KCNQ1: variants seen among roughly 807,000 people sequenced by gnomAD.
KCNQ1 encodes potassium voltage-gated channel subfamily KQT member 1.
Under a neutral mutation model 72.4 loss-of-function variants are expected in KCNQ1, and 49 were observed. The ratio of observed to expected loss-of-function variants is 0.68; its 90% confidence interval spans 0.54 to 0.86. KCNQ1 has a LOEUF of 0.86. Among genes scored for constraint, KCNQ1 ranks in the 40% least tolerant of loss-of-function variants. The pLI is 0.00. For synonymous variants in KCNQ1, 450 were observed against 412.6 expected (o/e 1.09, Z -1.10); for missense variants, 790 against 945.1 (o/e 0.84, Z 2.15).
intron 10 of KCNQ1, chr11:2,634,328 C>G (rs1433232008): frequency 3.9e-6 from 1 of 255,122 alleles, no homozygotes; most frequent in Non-Finnish European, 7.2e-6. Flanking sequence ...CCTCCCCCCT[C>G]CCCCCCCACC....
chr11:2,512,499 C>A (rs1206844436), intron 1 of KCNQ1, among the ~76,000 whole-genome samples: 1 of 152,244 alleles, frequency 6.6e-6, no homozygotes, highest in Non-Finnish European at 1.5e-5. Flanking sequence ...GACAACCCCT[C>A]CCAGTCTTCC....
chr11:2,681,744 C>G, intron 11 of KCNQ1: 1 of 398,348 alleles, frequency 2.5e-6, no homozygotes, highest in Non-Finnish European at 4.4e-6. Flanking sequence ...ACTGATCACA[C>G]ACCAGGGCAC....
intron 1 of KCNQ1, among the ~76,000 whole-genome samples, chr11:2,522,537 C>T (rs958360922): frequency 7.9e-5 from 12 of 152,242 alleles, no homozygotes; most frequent in Non-Finnish European, 1.3e-4. Context: ...AGGTTCCCAG[C>T]TCCGCCCGAG....
rs773743391 is a variant in KCNQ1, at chr11:2,848,243, C to A, written c.*240C>A. The A allele has an allele frequency of 1.5e-6, 1 of 646,648 alleles. No individual in the cohort carries two copies. Among genetic ancestry groups the A allele is most frequent in the South Asian group, 1.7e-5 (1 of 59,720 alleles). The allele number at this position is 646,648 out of a possible 1,614,324, so 40.1% of individuals were successfully genotyped here. A position where few individuals can be genotyped will look rare whatever the true frequency, so the allele number is the denominator to read the frequency against. On this transcript the variant is annotated 3_prime_UTR_variant, in exon 16 of 16. Coordinates refer to ENST00000155840, the MANE Select transcript of KCNQ1 (RefSeq NM_000218.3). Reference sequence around the variant, plus strand: ...CTCAGGTCTGAGTTGTTACCCCAAGCGCCCTGGCCCCCACATGGTGATGTT... The same window carrying A: ...CTCAGGTCTGAGTTGTTACCCCAAGAGCCCTGGCCCCCACATGGTGATGTT...
In KCNQ1 at chr11:2,651,184, G is replaced by A. The variant is rs1210856572; in HGVS notation, c.1394-10777G>A. On this transcript the variant is annotated intron_variant, in intron 10 of 15. Transcript: ENST00000155840. This position sits in a 1 kb window ranked among gnomAD's most constrained non-coding sequence, Gnocchi z 6.1. Reference sequence around the variant, plus strand: ...GATCTTGCTGCTTCCCTACTCAAATGTTCCGACAGCTTCCTGTCACCCTGT... The same window carrying A: ...GATCTTGCTGCTTCCCTACTCAAATATTCCGACAGCTTCCTGTCACCCTGT... The A allele has an allele frequency of 2.0e-5, 8 of 397,640 alleles. No homozygotes were observed. The highest frequency in any genetic ancestry group is 1.2e-3 in the Middle Eastern group (2 of 1,606). 24.6% of individuals were successfully genotyped at this position (397,640 alleles called of 1,614,324 possible). A position where few individuals can be genotyped will look rare whatever the true frequency, so the allele number is the denominator to read the frequency against.
intron 2 of KCNQ1, among the ~76,000 whole-genome samples, chr11:2,548,617 GAA>G (rs1847933408): frequency 6.6e-6 from 1 of 152,232 alleles, no homozygotes; most frequent in African/African-American, 2.4e-5. Flanking sequence ...AGCCCTTAGT[GAA>G]AAGTTTCTTA....
At chr11:2,801,120 T>C (rs1338670656) in intron 15 of KCNQ1, among the ~76,000 whole-genome samples, 1 of 151,940 alleles carries the variant, frequency 6.6e-6, no homozygotes, top group Non-Finnish European at 1.5e-5. Context: ...CTAGAGATGG[T>C]GGAAGGGTAG....
At chr11:2,756,453 A>AAAAC (rs1846299841) in intron 11 of KCNQ1, among the ~76,000 whole-genome samples, 1 of 151,988 alleles carries the variant, frequency 6.6e-6, no homozygotes, top group Non-Finnish European at 1.5e-5. Flanking sequence ...AAAAAAAAAA[A>AAAAC]AAAAACATGA....
At chr11:2,625,785 G>A (rs1258262054) in intron 10 of KCNQ1, 2 of 397,876 alleles carry the variant, frequency 5.0e-6, no homozygotes, top group Non-Finnish European at 8.8e-6. Context: ...TAGCCAGGAT[G>A]GTCTCAATCT....
At chr11:2,763,402 GA>G (rs60011808) in intron 11 of KCNQ1, among the ~76,000 whole-genome samples, 5,906 of 141,234 alleles carry the variant, frequency 0.042, 266 homozygotes, top group East Asian at 0.14. Flanking sequence ...CATCTTAGAA[GA>G]AAAAAAAAAA....
At position 2,515,798 on chromosome 11, in the gene KCNQ1, C is replaced by T. The variant is rs995738771; in HGVS notation, c.387-12130C>T. On this transcript the variant is annotated intron_variant, in intron 1 of 15. Coordinates refer to ENST00000155840, the MANE Select transcript of KCNQ1 (RefSeq NM_000218.3). The surrounding 1 kb of genome is among the most constrained non-coding windows in gnomAD (Gnocchi z 4.7). ...TGTGGCCGGCCCTGGGAGCACAGAG[C>T]CCCGTTCCCAGCAGCCCTCGGCCCT... Among the ~76,000 whole-genome samples, 1 of 152,094 alleles carries T rather than the reference C, an allele frequency of 6.6e-6. No individual in the cohort carries two copies. Among genetic ancestry groups the T allele is most frequent in the Non-Finnish European group, 1.5e-5 (1 of 68,006 alleles).
At chr11:2,530,193 G>A (rs1185456167) in intron 2 of KCNQ1, among the ~76,000 whole-genome samples, 1 of 152,110 alleles carries the variant, frequency 6.6e-6, no homozygotes, top group Non-Finnish European at 1.5e-5. Context: ...TGTTTTATGG[G>A]GTCCCCAAGG....
intron 10 of KCNQ1, chr11:2,648,968 C>CTG: frequency 2.7e-6 from 1 of 369,122 alleles, no homozygotes; most frequent in Non-Finnish European, 4.6e-6. Flanking sequence ...TCCTTTGTCT[C>CTG]TTTTTTCTTT....
chr11:2,728,179 C>A (rs1178897905), intron 11 of KCNQ1, among the ~76,000 whole-genome samples: 1 of 152,150 alleles, frequency 6.6e-6, no homozygotes, highest in Non-Finnish European at 1.5e-5. Flanking sequence ...ACAGGCCTCA[C>A]CTCTTTTGCC....
chr11:2,581,857 C>A (rs1040618705), intron 6 of KCNQ1, among the ~76,000 whole-genome samples: 4 of 152,208 alleles, frequency 2.6e-5, no homozygotes, highest in Non-Finnish European at 5.9e-5. Context: ...GCTTCCTGTG[C>A]ACATTGTGTG....
In KCNQ1 at chr11:2,515,131, G is replaced by A. The variant is rs1270950016; in HGVS notation, c.387-12797G>A. 6.6e-6 allele frequency among the ~76,000 whole-genome samples: 1 copy of A among 152,134 alleles called. No individual in the cohort carries two copies. The highest frequency in any genetic ancestry group is 1.5e-5 in the Non-Finnish European group (1 of 68,024). On this transcript the variant is annotated intron_variant, in intron 1 of 15. Transcript: ENST00000155840. This position sits in a 1 kb window ranked among gnomAD's most constrained non-coding sequence, Gnocchi z 4.7. ...CTCGTGCGCCCATCAGCCGGATATT[G>A]GACGTTATACTCAATAGGTAATTTT...
rs182642286 is a variant in KCNQ1 at position 2,465,092 on chromosome 11, G to A, written c.386+19608G>A. On this transcript the variant is annotated intron_variant, in intron 1 of 15. Coordinates refer to ENST00000155840, the MANE Select transcript of KCNQ1 (RefSeq NM_000218.3). Reference sequence around the variant, plus strand: ...GTTAGCCACATGCTTAGACCGCACCGAGAAAATGCAGTCCCTCCAGAGCTC... The same window carrying A: ...GTTAGCCACATGCTTAGACCGCACCAAGAAAATGCAGTCCCTCCAGAGCTC... Among the ~76,000 whole-genome samples, 411 of 152,320 alleles carry A rather than the reference G, an allele frequency of 2.7e-3. 1 individual carries two copies. Among genetic ancestry groups the A allele is most frequent in the African/African-American group, 9.0e-3 (374 of 41,572 alleles).
intron 15 of KCNQ1, among the ~76,000 whole-genome samples, chr11:2,820,737 C>T (rs1847715608): frequency 6.6e-6 from 1 of 152,200 alleles, no homozygotes; most frequent in Non-Finnish European, 1.5e-5. Flanking sequence ...CACATGTGTC[C>T]TCTCCTTACG....
chr11:2,554,229 C>A (rs1286441582), intron 2 of KCNQ1, among the ~76,000 whole-genome samples: 1 of 152,200 alleles, frequency 6.6e-6, no homozygotes. Context: ...GCAATTATTT[C>A]TCCCTTAAAC....
Sources: gnomAD v4.1 joint callset for allele counts (sites outside exome capture counted in the v4.1 genomes callset) on GRCh38, gnomAD v4.1.1 for gene constraint, Gnocchi (gnomAD v3.1) non-coding constraint, MANE v1.5 for transcripts, NCBI Gene and HGNC (gene_info 2026-07-23, HGNC 2026-07-21) for gene names.